Variants in MACROD1 observed in about 807,000 individuals in gnomAD.
MACROD1 encodes the protein mono-ADP ribosylhydrolase 1.
In MACROD1, 31 loss-of-function variants were observed where a neutral mutation model predicts 41.4. The ratio of observed to expected loss-of-function variants is 0.75; its 90% CI spans 0.56 to 1.01. The LOEUF (loss-of-function observed/expected upper bound fraction) is 1.01, where lower values mean the gene tolerates loss of function less well. MACROD1 is among the 50% of genes least tolerant of loss of function. The probability of loss-of-function intolerance (pLI) is 0.00; values close to 1 mark genes in which losing one functional copy is unlikely to be tolerated. For synonymous variants in MACROD1, 252 were observed against 203.4 expected, an observed-to-expected ratio of 1.24 and a Z score of -2.03; for missense variants, 473 against 460.0, an observed-to-expected ratio of 1.03 and a Z score of -0.26.
intron 3 of MACROD1, among the ~76,000 whole-genome samples, chr11:64,019,929 AC>A (rs1420436913): frequency 6.6e-6 from 1 of 152,120 alleles, no homozygotes; most frequent in Non-Finnish European, 1.5e-5. Context: ...AGGGCACCCT[AC>A]CAGCCAACAC....
intron 3 of MACROD1, among the ~76,000 whole-genome samples, chr11:64,095,207 GTC>G (rs1302697785): frequency 6.6e-6 from 1 of 152,160 alleles, no homozygotes; most frequent in Non-Finnish European, 1.5e-5. Flanking sequence ...ATTTAAAATA[GTC>G]TCTCTTTTTC....
intron 2 of MACROD1, 84 bp from the exon 3 acceptor site, chr11:64,151,439 C>T: frequency 1.0e-6 from 1 of 953,320 alleles, no homozygotes; most frequent in Non-Finnish European, 1.7e-6. Flanking sequence ...CCAGGGCCTT[C>T]CCTATCGACC....
rs536378334 is a variant in MACROD1 at position 64,001,878 on chromosome 11, T to C, written c.548-1535A>G. On this transcript the variant is annotated intron_variant, in intron 4 of 10. Coordinates refer to ENST00000255681, the MANE Select transcript of MACROD1 (RefSeq NM_014067.4). The stretch of plus-strand genomic sequence containing the variant: ...GGGCAACGTGAGTTCACATCCTGGC[T>C]CTGCCAGCCACAGATGTGTGACCCC... The C allele has an allele frequency of 6.1e-4, 401 of 659,960 alleles. 6 individuals carry two copies. The South Asian group carries it at 6.1e-3, about 10-fold the overall frequency. The allele number at this position is 659,960 out of a possible 1,614,324, so 40.9% of individuals were successfully genotyped here.
chr11:64,053,063 G>A (rs773985247), intron 3 of MACROD1, among the ~76,000 whole-genome samples: 5 of 152,218 alleles, frequency 3.3e-5, no homozygotes. Flanking sequence ...GCCTCCGAAT[G>A]TGGGGCTTCT....
chr11:64,042,875 G>A (rs1280620121), intron 3 of MACROD1, among the ~76,000 whole-genome samples: 2 of 152,196 alleles, frequency 1.3e-5, no homozygotes, highest in African/African-American at 4.8e-5. Flanking sequence ...AGTTTCCAGG[G>A]GCTTCTGGCT....
At chr11:64,143,583 C>T (rs929486137) in intron 3 of MACROD1, among the ~76,000 whole-genome samples, 1 of 151,994 alleles carries the variant, frequency 6.6e-6, no homozygotes, top group Non-Finnish European at 1.5e-5. Flanking sequence ...GATGTTGGTC[C>T]CATCTTTTTT....
chr11:64,034,761 G>C (rs1415848935), intron 3 of MACROD1, among the ~76,000 whole-genome samples: 1 of 152,254 alleles, frequency 6.6e-6, no homozygotes, highest in Non-Finnish European at 1.5e-5. Context: ...GTCCCAGCCA[G>C]ACTGTGGGCG....
intron 3 of MACROD1, chr11:64,117,962 C>T (rs201043470): frequency 6.2e-7 from 1 of 1,613,798 alleles, no homozygotes; most frequent in East Asian, 2.2e-5. Context: ...CTCTGGTCTT[C>T]CTCTTCCTGG....
At chr11:64,145,557 G>C (rs1000049485) in intron 3 of MACROD1, among the ~76,000 whole-genome samples, 1 of 152,158 alleles carries the variant, frequency 6.6e-6, no homozygotes, top group African/African-American at 2.4e-5. Flanking sequence ...AGGAAGTAGA[G>C]GCCACGGAGT....
rs889412120 is a variant in MACROD1, at chr11:64,013,220, G to A, written c.547+2032C>T. Among the ~76,000 whole-genome samples, 3 of 152,308 alleles carry A rather than the reference G, an allele frequency of 2.0e-5. No homozygotes were observed. The East Asian group carries it at 5.8e-4, about 29-fold the overall frequency. Reference sequence around the variant, plus strand: ...ACACAATATGTAAGTAAATTATACAGCACATTAGAAGGAGACAGGTGCTCA... The same window carrying A: ...ACACAATATGTAAGTAAATTATACAACACATTAGAAGGAGACAGGTGCTCA... On this transcript the variant is annotated intron_variant, in intron 4 of 10. Transcript: ENST00000255681.
At chr11:64,022,867 A>ATTT (rs922794608) in intron 3 of MACROD1, among the ~76,000 whole-genome samples, 1,101 of 90,716 alleles carry the variant, frequency 0.012, 41 homozygotes, top group African/African-American at 0.035. Context: ...TTCCACATGG[A>ATTT]TTTTTTTTTT....
intron 3 of MACROD1, among the ~76,000 whole-genome samples, chr11:64,113,726 G>C (rs1944907654): frequency 6.7e-6 from 1 of 149,432 alleles, no homozygotes; most frequent in Admixed American, 6.6e-5. Context: ...TGCATGGATT[G>C]ATACATGGAT....
chr11:64,107,665 T>C (rs976417982), intron 3 of MACROD1, among the ~76,000 whole-genome samples: 1 of 152,254 alleles, frequency 6.6e-6, no homozygotes, highest in African/African-American at 2.4e-5. Flanking sequence ...AAGTTCTAAA[T>C]GATACCAGTG....
intron 3 of MACROD1, among the ~76,000 whole-genome samples, chr11:64,070,014 G>T (rs1022478860): frequency 6.6e-6 from 1 of 152,182 alleles, no homozygotes; most frequent in African/African-American, 2.4e-5. Flanking sequence ...GACAGGCGGG[G>T]ATGGTGAGAG....
chr11:64,100,897 A>G (rs1197497796), intron 3 of MACROD1, among the ~76,000 whole-genome samples: 2 of 152,172 alleles, frequency 1.3e-5, no homozygotes, highest in Non-Finnish European at 2.9e-5. Context: ...GACTGAGGAC[A>G]TACAAAGCTG....
chr11:64,025,097 G>T (rs1352570120), intron 3 of MACROD1, among the ~76,000 whole-genome samples: 1 of 152,124 alleles, frequency 6.6e-6, no homozygotes, highest in African/African-American at 2.4e-5. Context: ...CCAGGCCTCA[G>T]CCTCCTGAGT....
chr11:64,062,326 C>T (rs1285426964), intron 3 of MACROD1, among the ~76,000 whole-genome samples: 3 of 152,088 alleles, frequency 2.0e-5, no homozygotes, highest in African/African-American at 7.2e-5. Context: ...TGGGTGTCTC[C>T]CAGAGGGAGT....
chr11:64,078,438 A>G (rs1033442915), intron 3 of MACROD1, among the ~76,000 whole-genome samples: 7 of 152,192 alleles, frequency 4.6e-5, no homozygotes, highest in Non-Finnish European at 8.8e-5. Flanking sequence ...ACATGGCCTC[A>G]ATCCAATTAC....
intron 3 of MACROD1, among the ~76,000 whole-genome samples, chr11:64,056,227 C>T (rs888902025): frequency 6.6e-6 from 1 of 152,106 alleles, no homozygotes; most frequent in Non-Finnish European, 1.5e-5. Flanking sequence ...CCTGGAGGAG[C>T]TGCAGCAGGT....
Sources: gnomAD v4.1 joint callset for allele counts (sites outside exome capture counted in the v4.1 genomes callset) on GRCh38, gnomAD v4.1.1 for gene constraint, MANE v1.5 for transcripts, NCBI Gene and HGNC (gene_info 2026-07-23, HGNC 2026-07-21) for gene names.